The following ADD1 variants were observed in gnomAD, a reference collection of about 807,000 sequenced individuals.
ADD1 encodes alpha-adducin.
A neutral mutation model predicts 80.5 loss-of-function variants in ADD1; 24 were observed. The observed-to-expected ratio is 0.30, with a 90% confidence interval of 0.22 to 0.42. The LOEUF (loss-of-function observed/expected upper bound fraction) is 0.42. Among genes scored for constraint, ADD1 ranks in the 10% least tolerant of loss-of-function variants. The probability of loss-of-function intolerance (pLI) is 1.00; values close to 1 mark genes in which losing one functional copy is unlikely to be tolerated. For missense variants in ADD1, 948 were observed against 1,019.0 expected, an observed-to-expected ratio of 0.93 and a Z score of 0.95; for synonymous variants, 373 against 393.8, an observed-to-expected ratio of 0.95 and a Z score of 0.63.
chr4:2,911,093 C>G (rs1404947080), intron 13 of ADD1, among the ~76,000 whole-genome samples: 1 of 152,174 alleles, frequency 6.6e-6, no homozygotes, highest in East Asian at 1.9e-4. Context: ...CCTTTTGGAA[C>G]ATGGAGCTGC....
rs1254897432 is a variant in ADD1 at position 2,877,301 on chromosome 4, T to TA, written c.195+1199dup. 3.6e-4 allele frequency among the ~76,000 whole-genome samples: 54 copies of TA among 151,768 alleles called. No individual in the cohort carries two copies. The East Asian group carries it at 7.8e-3, about 22-fold the overall frequency. On this transcript the variant is annotated intron_variant, in intron 2 of 15. Transcript: ENST00000683351. ...TTTGGCAGAAGTTTATTGATTTTCT[T>TA]AAAAAAAACAAAAGATGTTGATTGT...
chr4:2,859,449 T>G (rs1397741324), intron 1 of ADD1, among the ~76,000 whole-genome samples: 1 of 152,094 alleles, frequency 6.6e-6, no homozygotes, highest in Non-Finnish European at 1.5e-5. Flanking sequence ...TACATCAAGA[T>G]CTCAACAGAT....
intron 13 of ADD1, among the ~76,000 whole-genome samples, chr4:2,910,110 C>T (rs568918710): frequency 9.9e-4 from 146 of 148,186 alleles, no homozygotes; most frequent in Admixed American, 2.7e-3. Flanking sequence ...TGTCTGAACC[C>T]ACCCACGTAG....
At chr4:2,901,630 A>G (rs1736188484) in intron 9 of ADD1, 1 of 152,108 alleles carries the variant, frequency 6.6e-6, no homozygotes, top group Non-Finnish European at 1.5e-5. Flanking sequence ...CTGAGTAGAG[A>G]ATAGTTGCCA....
chr4:2,888,441 G>T (rs1296340755), intron 4 of ADD1, among the ~76,000 whole-genome samples: 1 of 148,108 alleles, frequency 6.8e-6, no homozygotes, highest in Non-Finnish European at 1.5e-5. Flanking sequence ...ATTTTAGGCA[G>T]AGTCTCACTC....
intron 10 of ADD1, among the ~76,000 whole-genome samples, chr4:2,906,256 C>G (rs1158965937): frequency 6.6e-6 from 1 of 152,330 alleles, no homozygotes; most frequent in Non-Finnish European, 1.5e-5. Context: ...CCATGGGGCT[C>G]TGAGCATGGG....
Position 2,898,496 on chromosome 4 carries a change from T to C in ADD1, c.949T>C (p.Tyr317His). ...VGESVEEAFY[Y>H]IHNLVVACEI... The stretch of plus-strand genomic sequence containing the variant: ...AGAGAGCGTTGAGGAGGCCTTCTAT[T>C]ACATCCATAACCTTGTGGTTGCCTG... Residue 317 changes from tyrosine to histidine, a missense_variant, in exon 8 of 16, where the codon TAC becomes CAC. Tyr to His is a moderately conservative substitution (Grantham distance 83, BLOSUM62 2). Coordinates refer to ENST00000683351, the MANE Select transcript of ADD1 (RefSeq NM_001354761.2). The C allele has an allele frequency of 6.2e-7, 1 of 1,614,200 alleles. No homozygotes were observed. Among genetic ancestry groups the C allele is most frequent in the Non-Finnish European group, 8.5e-7 (1 of 1,180,046 alleles).
rs1179940925 is a variant in ADD1, at chr4:2,904,811, G to A, written c.1209G>A (p.Lys403=). 6.2e-7 allele frequency: 1 copy of A among 1,614,198 alleles called. No individual in the cohort carries two copies. The highest frequency in any genetic ancestry group is 1.7e-5 in the Admixed American group (1 of 60,028). Residue 403 remains lysine, a synonymous_variant, in exon 10 of 16, where the codon AAG becomes AAA. Coordinates refer to ENST00000683351, the MANE Select transcript of ADD1 (RefSeq NM_001354761.2). The stretch of plus-strand genomic sequence containing the variant: ...ATCGATACCCTGCTCTGAGAGAGAA[G>A]TCTAAAAAATACAGCGATGTGGAGG... ...YPYRYPALRE[K]SKKYSDVEVP...
At chr4:2,850,110 C>T (rs944133703) in intron 1 of ADD1, among the ~76,000 whole-genome samples, 3 of 152,084 alleles carry the variant, frequency 2.0e-5, no homozygotes, top group Admixed American at 6.5e-5. Context: ...TCTGTTCATA[C>T]GATGGAATAG....
intron 14 of ADD1, 96 bp downstream of exon 14, chr4:2,915,136 G>T: frequency 7.4e-7 from 1 of 1,345,874 alleles, no homozygotes; most frequent in African/African-American, 1.5e-5. Flanking sequence ...GTGGTGATAA[G>T]AATAGTCACA....
chr4:2,917,096 T>C (rs553692828), intron 14 of ADD1, among the ~76,000 whole-genome samples: 138 of 152,350 alleles, frequency 9.1e-4, no homozygotes, highest in African/African-American at 3.2e-3. Context: ...TTTAGATTCT[T>C]GAGGAATCGC....
intron 10 of ADD1, among the ~76,000 whole-genome samples, chr4:2,906,348 A>T (rs758109048): frequency 1.4e-5 from 2 of 147,216 alleles, no homozygotes; most frequent in African/African-American, 5.0e-5. Context: ...TCATTTGTTT[A>T]TTTTTTACTT....
intron 6 of ADD1, 30 bp from the exon 7 acceptor site, chr4:2,898,154 C>T (rs1735569547): frequency 6.3e-7 from 1 of 1,591,942 alleles, no homozygotes; most frequent in Non-Finnish European, 8.6e-7. Flanking sequence ...CCCAGGTTTT[C>T]CTTCTTCATG....
rs749619313 is a variant in ADD1 at position 2,907,657 on chromosome 4, A to G, written c.1507-86A>G. The G allele has an allele frequency of 6.0e-5, 67 of 1,120,012 alleles. 1 individual carries two copies. In the South Asian group the frequency reaches 8.4e-4, roughly 14 times the overall value. 69.4% of individuals were successfully genotyped at this position (1,120,012 alleles called of 1,614,324 possible). On this transcript the variant is annotated intron_variant, in intron 10 of 15. Transcript: ENST00000683351. The stretch of plus-strand genomic sequence containing the variant: ...TCTCTGTGATGTTCAGTGCATGACC[A>G]GATGTGAGATAAACTGAATAGATTG...
chr4:2,915,909 CAA>C (rs1235648825), intron 14 of ADD1, among the ~76,000 whole-genome samples: 9 of 152,120 alleles, frequency 5.9e-5, no homozygotes, highest in Admixed American at 2.0e-4. Context: ...TGGCCACTCA[CAA>C]GAGTCTGCGC....
chr4:2,907,963 T>C, intron 11 of ADD1, 119 bp downstream of exon 11: 1 of 774,650 alleles, frequency 1.3e-6, no homozygotes, highest in Non-Finnish European at 2.3e-6. Flanking sequence ...GTTGCCACTG[T>C]TGCAGTGAAG....
At position 2,885,899 on chromosome 4, in the gene ADD1, C is replaced by A. The variant is rs564037742; in HGVS notation, c.510+1233C>A. 4.6e-5 allele frequency among the ~76,000 whole-genome samples: 7 copies of A among 152,086 alleles called. No individual in the cohort carries two copies. In the East Asian group the frequency reaches 7.8e-4, roughly 17 times the overall value. On this transcript the variant is annotated intron_variant, in intron 4 of 15. Transcript: ENST00000683351. ...TGCTGGGATTACAGGCGTGAGCCAC[C>A]CTGCCCGGCCCCTTCCTGCCTTGTT...
At chr4:2,902,711 CAG>C (rs1452363672) in intron 9 of ADD1, 1 of 150,328 alleles carries the variant, frequency 6.7e-6, no homozygotes, top group African/African-American at 2.5e-5. Context: ...GCCTGGGTGA[CAG>C]AGCAAGACTC....
At chr4:2,894,239 G>C in intron 5 of ADD1, 146 bp downstream of exon 5, 1 of 697,182 alleles carries the variant, frequency 1.4e-6, no homozygotes, top group Non-Finnish European at 2.4e-6. Flanking sequence ...AAAAACCTTT[G>C]AGAGAAGTTA....
Sources: gnomAD v4.1 joint callset for allele counts (sites outside exome capture counted in the v4.1 genomes callset) on GRCh38, gnomAD v4.1.1 for gene constraint, MANE v1.5 for transcripts, NCBI Gene and HGNC (gene_info 2026-07-23, HGNC 2026-07-21) for gene names.